Variants in PAX5 observed in about 807,000 individuals in gnomAD.
PAX5 encodes the protein paired box protein Pax-5.
In PAX5, 9 loss-of-function variants were observed where a neutral mutation model predicts 43.7. That is an observed-to-expected ratio of 0.21 (90% CI 0.12 to 0.36). The LOEUF is 0.36. Ranked by LOEUF, PAX5 falls within the 10% of genes least tolerant of loss-of-function variation. PAX5 has a pLI of 1.00. For missense variants in PAX5, 383 were observed against 532.7 expected (o/e 0.72, Z 2.77); for synonymous variants, 228 against 214.3 (o/e 1.06, Z -0.56).
chr9:37,002,087 A>G, intron 5 of PAX5, among the ~76,000 whole-genome samples: 1 of 150,676 alleles, frequency 6.6e-6, no homozygotes, highest in East Asian at 2.0e-4. Context: ...TCTTCCTTCC[A>G]GACCCAAGGA....
Position 37,015,053 on chromosome 9 carries a change from C to T in PAX5, c.354G>A (p.Leu118=), listed in dbSNP as rs2132471153. The T allele has an allele frequency of 6.2e-7, 1 of 1,614,248 alleles. No homozygotes were observed. ...CATTGTCACACACCCGCTCTGCCAG[C>T]AGCCGGTCCCTGATCTCCCAGGCAA... The part of the protein sequence containing the change: ...TMFAWEIRDR[L]LAERVCDNDT... The change falls in exon 3 of 10, where the codon CTG becomes CTA. Residue 118 remains leucine (L), a synonymous_variant. Coordinates refer to ENST00000358127, the MANE Select transcript of PAX5 (RefSeq NM_016734.3). This position sits in a 1 kb window ranked among gnomAD's most constrained non-coding sequence, Gnocchi z 4.4.
intron 7 of PAX5, among the ~76,000 whole-genome samples, chr9:36,886,086 T>A (rs887257429): frequency 6.6e-6 from 1 of 151,804 alleles, no homozygotes; most frequent in African/African-American, 2.4e-5. Context: ...AGCCTGCAGG[T>A]CCAAGGAGAG....
chr9:36,979,735 A>G (rs1835752135), intron 5 of PAX5, among the ~76,000 whole-genome samples: 1 of 152,184 alleles, frequency 6.6e-6, no homozygotes, highest in African/African-American at 2.4e-5. Context: ...CAGTGAGGCC[A>G]ATCTCCAGGC....
intron 8 of PAX5, among the ~76,000 whole-genome samples, chr9:36,848,230 G>A (rs909678122): frequency 6.6e-6 from 1 of 152,058 alleles, no homozygotes; most frequent in Non-Finnish European, 1.5e-5. Context: ...CCTAGAGGTG[G>A]GCCCCTGGGG....
chr9:37,025,622 A>G (rs1200615645), intron 1 of PAX5, among the ~76,000 whole-genome samples: 1 of 152,190 alleles, frequency 6.6e-6, no homozygotes, highest in Non-Finnish European at 1.5e-5. Flanking sequence ...AAATCTCCGA[A>G]TCTAATCCGG....
At chr9:36,869,181 AG>A (rs1825185013) in intron 8 of PAX5, among the ~76,000 whole-genome samples, 3 of 152,214 alleles carry the variant, frequency 2.0e-5, no homozygotes. Context: ...TCTTGGAGAC[AG>A]GGGCTGCAGA....
Position 36,852,941 on chromosome 9 carries a change from G to A in PAX5, c.1013-6012C>T, listed in dbSNP as rs538923113. On this transcript the variant is annotated intron_variant, in intron 8 of 9. Coordinates refer to ENST00000358127, the MANE Select transcript of PAX5 (RefSeq NM_016734.3). ...ACCTCGTTGAGCTGGGCCAGCAGAG[G>A]AAAGGGAAATCTTCTCATCACATCC... 2.6e-5 allele frequency among the ~76,000 whole-genome samples: 4 copies of A among 152,306 alleles called. No homozygotes were observed. The South Asian group carries it at 8.3e-4, about 32-fold the overall frequency.
At chr9:36,947,384 T>G (rs2132088700) in intron 6 of PAX5, among the ~76,000 whole-genome samples, 1 of 152,304 alleles carries the variant, frequency 6.6e-6, no homozygotes. Context: ...ATTTTACGTA[T>G]TCATTTGTTT....
intron 5 of PAX5, among the ~76,000 whole-genome samples, chr9:36,967,686 A>G (rs1348653943): frequency 6.6e-6 from 1 of 152,204 alleles, no homozygotes; most frequent in Non-Finnish European, 1.5e-5. Flanking sequence ...TATGAGAAAC[A>G]TTTACAGTGG....
intron 7 of PAX5, among the ~76,000 whole-genome samples, chr9:36,896,523 A>G (rs946143273): frequency 6.6e-6 from 1 of 152,096 alleles, no homozygotes; most frequent in Non-Finnish European, 1.5e-5. Flanking sequence ...ACATGCATTA[A>G]ATTGTGCTGC....
chr9:36,894,349 T>C (rs1827672234), intron 7 of PAX5, among the ~76,000 whole-genome samples: 1 of 152,168 alleles, frequency 6.6e-6, no homozygotes. Flanking sequence ...TCCTGGGAGA[T>C]AGATTTTATG....
At chr9:36,912,735 C>T (rs1482765938) in intron 7 of PAX5, among the ~76,000 whole-genome samples, 1 of 152,204 alleles carries the variant, frequency 6.6e-6, no homozygotes, top group East Asian at 1.9e-4. Context: ...CTGAGGAAGG[C>T]TGGGACTCGC....
intron 5 of PAX5, among the ~76,000 whole-genome samples, chr9:36,986,299 G>C (rs1172834949): frequency 6.8e-6 from 1 of 147,992 alleles, no homozygotes; most frequent in Non-Finnish European, 1.5e-5. Flanking sequence ...CGAGCCACGC[G>C]CCAGCGCTGG....
intron 8 of PAX5, among the ~76,000 whole-genome samples, chr9:36,867,856 G>A (rs1337604886): frequency 1.3e-5 from 2 of 152,110 alleles, no homozygotes; most frequent in African/African-American, 2.4e-5. Flanking sequence ...CAGGGTCACC[G>A]CATGGTTTTT....
chr9:37,002,545 TA>T, intron 5 of PAX5, 102 bp downstream of exon 5: 1 of 1,263,732 alleles, frequency 7.9e-7, no homozygotes, highest in Non-Finnish European at 1.1e-6. Flanking sequence ...CCTCTGCAGG[TA>T]AGGGGGGTGT....
At chr9:36,912,576 A>T (rs80321906) in intron 7 of PAX5, among the ~76,000 whole-genome samples, 1 of 152,060 alleles carries the variant, frequency 6.6e-6, no homozygotes, top group African/African-American at 2.4e-5. Context: ...GCCCTGGGGG[A>T]GCTAGAACTG....
chr9:36,852,050 A>C (rs1220454719), intron 8 of PAX5, among the ~76,000 whole-genome samples: 1 of 152,166 alleles, frequency 6.6e-6, no homozygotes, highest in East Asian at 1.9e-4. Flanking sequence ...TTCTTCATCT[A>C]TAAAATGGAG....
At chr9:36,848,477 G>A (rs1822817373) in intron 8 of PAX5, among the ~76,000 whole-genome samples, 1 of 152,078 alleles carries the variant, frequency 6.6e-6, no homozygotes, top group Non-Finnish European at 1.5e-5. Flanking sequence ...AGTGGTCAGG[G>A]TGTCAGGTTC....
Position 36,833,415 on chromosome 9 carries a change from A to G in PAX5, c.*7145T>C, listed in dbSNP as rs1483844278. On this transcript the variant is annotated 3_prime_UTR_variant, in exon 10 of 10. Coordinates refer to ENST00000358127, the MANE Select transcript of PAX5 (RefSeq NM_016734.3). ...CATGAAAAGACACACAGATATTGAA[A>G]CTACGCCAATCTTATTGCATGTTTC... 1 of 233,156 alleles carries G rather than the reference A, an allele frequency of 4.3e-6. No homozygotes were observed. Among genetic ancestry groups the G allele is most frequent in the East Asian group, 6.0e-5 (1 of 16,578 alleles). 14.4% of individuals were successfully genotyped at this position (233,156 alleles called of 1,614,324 possible).
Sources: gnomAD v4.1 joint callset for allele counts (sites outside exome capture counted in the v4.1 genomes callset) on GRCh38, gnomAD v4.1.1 for gene constraint, Gnocchi (gnomAD v3.1) non-coding constraint, MANE v1.5 for transcripts, NCBI Gene and HGNC (gene_info 2026-07-23, HGNC 2026-07-21) for gene names.